SFTPB: variants seen among roughly 807,000 people sequenced by gnomAD.
SFTPB encodes the protein surfactant protein B.
A neutral mutation model predicts 51.0 loss-of-function variants in SFTPB; 32 were observed. The observed-to-expected ratio is 0.63, with a 90% CI of 0.47 to 0.84. SFTPB has a LOEUF of 0.84. Among genes scored for constraint, SFTPB ranks in the 40% least tolerant of loss-of-function variants. The pLI, the probability that SFTPB is intolerant of heterozygous loss-of-function variation, is 0.00. For synonymous variants in SFTPB, 211 were observed against 208.5 expected (o/e 1.01, Z -0.10); for missense variants, 431 against 491.2 (o/e 0.88, Z 1.16).
At position 85,665,599 on chromosome 2, in the gene SFTPB, C is replaced by T; in HGVS notation, c.582+7G>A. 1 of 1,613,176 alleles carries T rather than the reference C, an allele frequency of 6.2e-7. No individual in the cohort carries two copies. ...TCCACTTTACTGGCTGTGGGGGCCT[C>T]CCTCACCTGTGTGTGAGGCCCAGGC... On this transcript the variant is annotated splice_region_variant and intron_variant, in intron 5 of 10. Transcript: ENST00000519937.
In SFTPB at chr2:85,663,427, G is replaced by T. The variant is rs1453603497; in HGVS notation, c.921C>A (p.Thr307=). The change falls in exon 8 of 11, where the codon ACC becomes ACA. Residue 307 remains threonine (T), a synonymous_variant. Coordinates refer to ENST00000519937, the MANE Select transcript of SFTPB (RefSeq NM_000542.5). ...CCTGCTCGCTGCTGTTCCCGGCCTGGGTGGTCACGGACATGCAGAGGTGGC... is the reference window on the plus strand; with the variant it reads ...CCTGCTCGCTGCTGTTCCCGGCCTGTGTGGTCACGGACATGCAGAGGTGGC... ...SECHLCMSVT[T]QAGNSSEQAI... 2 of 1,613,886 alleles carry T rather than the reference G, an allele frequency of 1.2e-6. No individual in the cohort carries two copies. Among genetic ancestry groups the T allele is most frequent in the African/African-American group, 1.3e-5 (1 of 74,920 alleles).
At position 85,663,077 on chromosome 2, in the gene SFTPB, T is replaced by A. The variant is rs1677390596; in HGVS notation, c.1002+269A>T. Among the ~76,000 whole-genome samples, 5 of 152,126 alleles carry A rather than the reference T, an allele frequency of 3.3e-5. No homozygotes were observed. The South Asian group carries it at 1.0e-3, about 32-fold the overall frequency. On this transcript the variant is annotated intron_variant, in intron 8 of 10. Coordinates refer to ENST00000519937, the MANE Select transcript of SFTPB (RefSeq NM_000542.5). ...TCATCTCCTGGTAGATAACCAGGCC[T>A]CTGAAGGCTTGCCTGGTGCTCACTC...
intron 4 of SFTPB, 194 bp downstream of exon 4, chr2:85,666,423 T>TGTG: frequency 4.8e-6 from 2 of 419,444 alleles, no homozygotes; most frequent in East Asian, 4.7e-5. Flanking sequence ...AGCTGGGGTG[T>TGTG]TGTGTGTGTG....
intron 5 of SFTPB, 83 bp from the exon 6 acceptor site, chr2:85,665,461 TTCTC>T: frequency 1.4e-6 from 2 of 1,441,754 alleles, no homozygotes; most frequent in Non-Finnish European, 1.9e-6. Flanking sequence ...CTTCCTCCCT[TTCTC>T]TCCCTCCTCC....
chr2:85,667,387 T>TCATCCCATCC (rs200401655), intron 2 of SFTPB, among the ~76,000 whole-genome samples: 3 of 151,568 alleles, frequency 2.0e-5, no homozygotes, highest in African/African-American at 7.3e-5. Flanking sequence ...TTATTCTGTG[T>TCATCCCATCC]CATCCCATCC....
chr2:85,661,873 A>G (rs1677320330), intron 9 of SFTPB, among the ~76,000 whole-genome samples, 156 bp downstream of exon 9: 1 of 151,714 alleles, frequency 6.6e-6, no homozygotes, highest in African/African-American at 2.4e-5. Flanking sequence ...GATTTTTTAC[A>G]CTGAAACAGA....
At chr2:85,665,193 T>G in intron 6 of SFTPB, 96 bp downstream of exon 6, 2 of 967,148 alleles carry the variant, frequency 2.1e-6, no homozygotes, top group Non-Finnish European at 3.4e-6. Flanking sequence ...GCCAGCTGGG[T>G]CCTGACGGGG....
intron 6 of SFTPB, 138 bp downstream of exon 6, chr2:85,665,151 C>A: frequency 1.3e-6 from 1 of 770,036 alleles, no homozygotes; most frequent in Non-Finnish European, 2.3e-6. Flanking sequence ...GGGCAATGCA[C>A]AAGCGGCTCT....
chr2:85,667,071 G>T, intron 3 of SFTPB, 35 bp downstream of exon 3: 1 of 1,551,672 alleles, frequency 6.4e-7, no homozygotes, highest in Non-Finnish European at 8.9e-7. Flanking sequence ...CATCTCTTGG[G>T]CCCCAACCTT....
intron 6 of SFTPB, 74 bp from the exon 7 acceptor site, chr2:85,663,921 C>T (rs920605596): frequency 1.4e-6 from 2 of 1,407,840 alleles, no homozygotes; most frequent in African/African-American, 1.4e-5. Context: ...CAGCACCCAG[C>T]TGGGCACTTC....
Position 85,661,506 on chromosome 2 carries a change from G to T in SFTPB, c.1113C>A (p.Ser371Arg), listed in dbSNP as rs370528656. 6.2e-7 allele frequency: 1 copy of T among 1,612,088 alleles called. No individual in the cohort carries two copies. Among genetic ancestry groups the T allele is most frequent in the African/African-American group, 1.3e-5 (1 of 74,846 alleles). ...CGGGGCTGTGGATACACTGGAGAGGGCTGGACATGGTCCCACACACCCCGA... is the reference window on the plus strand; with the variant it reads ...CGGGGCTGTGGATACACTGGAGAGGTCTGGACATGGTCCCACACACCCCGA... The part of the protein sequence containing the change: ...QALGVCGTMS[S>R]PLQCIHSPDL The change falls in exon 10 of 11, where the codon AGC becomes AGA. Residue 371 changes from serine to arginine, a missense_variant. Physicochemically the swap from Ser to Arg is moderately radical, Grantham distance 110. Transcript: ENST00000519937.
intron 6 of SFTPB, 151 bp from the exon 7 acceptor site, chr2:85,663,998 T>G: frequency 1.3e-6 from 1 of 762,840 alleles, no homozygotes; most frequent in Non-Finnish European, 2.1e-6. Flanking sequence ...ACACTGGGGA[T>G]CAGAGAGTCC....
chr2:85,666,791 C>T (rs546725495), intron 3 of SFTPB, 49 bp from the exon 4 acceptor site: 107 of 1,612,158 alleles, frequency 6.6e-5, no homozygotes, highest in South Asian at 6.5e-4. Context: ...AGGTCTACCC[C>T]GCCCAAGTCC....
chr2:85,665,556 G>T, intron 5 of SFTPB, 50 bp downstream of exon 5: 6 of 1,597,480 alleles, frequency 3.8e-6, no homozygotes, highest in Non-Finnish European at 5.1e-6. Context: ...TTCGGAGGTG[G>T]CTCTAGCCCT....
chr2:85,667,531 T>C (rs1265536863), intron 2 of SFTPB, 148 bp downstream of exon 2: 1 of 1,047,026 alleles, frequency 9.6e-7, no homozygotes, highest in African/African-American at 1.6e-5. Context: ...ATCCATCCCA[T>C]TCCATTTTAT....
chr2:85,666,217 G>GGCCGGCT (rs1677588328), intron 4 of SFTPB, among the ~76,000 whole-genome samples: 1 of 76,662 alleles, frequency 1.3e-5, no homozygotes, highest in African/African-American at 7.3e-5. Context: ...TGTGTGTGCT[G>GGCCGGCT]TGTGTGTGTG....
chr2:85,665,148 G>T, intron 6 of SFTPB, 141 bp downstream of exon 6: 1 of 760,898 alleles, frequency 1.3e-6, no homozygotes, highest in South Asian at 1.4e-5. Context: ...TGGGGGCAAT[G>T]CACAAGCGGC....
chr2:85,660,570 G>A (rs867506493), intron 10 of SFTPB, among the ~76,000 whole-genome samples: 21 of 149,246 alleles, frequency 1.4e-4, no homozygotes, highest in African/African-American at 4.4e-4. Flanking sequence ...CTGCCTAAGC[G>A]TCCTGAGTAG....
intron 9 of SFTPB, 87 bp from the exon 10 acceptor site, chr2:85,661,622 C>T (rs1677303251): frequency 1.3e-5 from 14 of 1,103,610 alleles, no homozygotes; most frequent in Non-Finnish European, 1.5e-5. Flanking sequence ...GCACTCACTC[C>T]ACCTCCCGCC....
Sources: gnomAD v4.1 joint callset for allele counts (sites outside exome capture counted in the v4.1 genomes callset) on GRCh38, gnomAD v4.1.1 for gene constraint, MANE v1.5 for transcripts, NCBI Gene and HGNC (gene_info 2026-07-23, HGNC 2026-07-21) for gene names.